MAP6: variants seen among roughly 807,000 people sequenced by gnomAD.
MAP6 encodes microtubule-associated protein 6.
MAP6 carries 26 observed loss-of-function variants against 42.4 expected under a neutral mutation model. That is an observed-to-expected ratio of 0.61 (90% CI 0.45 to 0.85). The LOEUF (loss-of-function observed/expected upper bound fraction) is 0.85, where lower values mean the gene tolerates loss of function less well. Ranked by LOEUF, MAP6 falls within the 40% of genes least tolerant of loss-of-function variation. The probability of loss-of-function intolerance (pLI) is 0.00; values close to 1 mark genes in which losing one functional copy is unlikely to be tolerated. For synonymous variants in MAP6, 418 were observed against 443.8 expected (o/e 0.94, Z 0.73); for missense variants, 966 against 1,099.0 (o/e 0.88, Z 1.71).
intron 1 of MAP6, among the ~76,000 whole-genome samples, chr11:75,666,771 T>A (rs973867406): frequency 1.1e-4 from 16 of 152,180 alleles, no homozygotes; most frequent in Non-Finnish European, 5.9e-5. Flanking sequence ...TCAATAAAAG[T>A]GTGAACAATC....
intron 1 of MAP6, among the ~76,000 whole-genome samples, chr11:75,661,537 A>G (rs1287431311): frequency 6.6e-6 from 1 of 152,010 alleles, no homozygotes; most frequent in Non-Finnish European, 1.5e-5. Context: ...TCAATATGAG[A>G]AAAAAAATCT....
chr11:75,656,282 G>A (rs1943748409), intron 1 of MAP6, among the ~76,000 whole-genome samples: 1 of 152,190 alleles, frequency 6.6e-6, no homozygotes, highest in Non-Finnish European at 1.5e-5. Context: ...GGGTTTTGTG[G>A]CTTGAGGTTT....
At chr11:75,660,620 G>A (rs1943827740) in intron 1 of MAP6, among the ~76,000 whole-genome samples, 1 of 152,154 alleles carries the variant, frequency 6.6e-6, no homozygotes, top group Admixed American at 6.5e-5. Context: ...TTAAGGCTTT[G>A]TCATTTTCTC....
At position 75,587,699 on chromosome 11, in the gene MAP6, G is replaced by A. The variant is rs1942385856; in HGVS notation, c.1802C>T (p.Ala601Val). 5.0e-6 allele frequency: 8 copies of A among 1,612,772 alleles called. No individual in the cohort carries two copies. The highest frequency in any genetic ancestry group is 6.8e-6 in the Non-Finnish European group (8 of 1,179,606). ...SVKDQGPMVS[A>V]PVKDQGPIVP... The stretch of plus-strand genomic sequence containing the variant: ...TATGGGACCTTGATCCTTGACAGGT[G>A]CTGAGACCATGGGACCTTGATCCTT... Residue 601 changes from alanine (A) to valine (V), a missense_variant, in exon 4 of 4, where the codon GCA becomes GTA. By Grantham distance (64) the Ala-to-Val change is moderately conservative. Around this residue, in one of 2 missense-constraint regions of MAP6, gnomAD observed 943 missense variants for 1,049.9 expected, o/e 0.90. Coordinates refer to ENST00000304771, the MANE Select transcript of MAP6 (RefSeq NM_033063.2).
Position 75,588,186 on chromosome 11 carries a change from T to C in MAP6, c.1317-2A>G, listed in dbSNP as rs771484612. On this transcript the variant is annotated splice_acceptor_variant, in intron 3 of 3. Transcript: ENST00000304771. LOFTEE classifies it high-confidence loss of function. ...TCACTGACGGGTTGAGCCAGGCTCC[T>C]GCAAAGGAGAGAGAGGTGATCACTG... 2 of 1,609,528 alleles carry C rather than the reference T, an allele frequency of 1.2e-6. No individual in the cohort carries two copies. The highest frequency in any genetic ancestry group is 1.7e-6 in the Non-Finnish European group (2 of 1,178,612).
In MAP6 at chr11:75,641,588, G is replaced by A. The variant is rs60236589; in HGVS notation, c.905+25877C>T. Among the ~76,000 whole-genome samples the A allele has an allele frequency of 3.2e-3, 481 of 152,282 alleles. 2 individuals carry two copies. Among genetic ancestry groups the A allele is most frequent in the African/African-American group, 0.011 (467 of 41,558 alleles). On this transcript the variant is annotated intron_variant, in intron 1 of 3. Transcript: ENST00000304771. ...AACAACCACTTCGTGTGATTCCAATGTAAGTGGTCTGGACCACCTGAGAGA... is the reference window on the plus strand; with the variant it reads ...AACAACCACTTCGTGTGATTCCAATATAAGTGGTCTGGACCACCTGAGAGA...
At chr11:75,643,611 C>T (rs1943510516) in intron 1 of MAP6, among the ~76,000 whole-genome samples, 1 of 152,222 alleles carries the variant, frequency 6.6e-6, no homozygotes, top group African/African-American at 2.4e-5. Context: ...TCCATCCTGG[C>T]AGTCCCAGAA....
At chr11:75,588,269 C>G in intron 3 of MAP6, 85 bp from the exon 4 acceptor site, 1 of 1,275,936 alleles carries the variant, frequency 7.8e-7, no homozygotes, top group Non-Finnish European at 1.1e-6. Flanking sequence ...TAAGTCTTGG[C>G]CTAGTGGAGC....
At chr11:75,655,133 C>G (rs1204821608) in intron 1 of MAP6, among the ~76,000 whole-genome samples, 1 of 152,152 alleles carries the variant, frequency 6.6e-6, no homozygotes, top group Non-Finnish European at 1.5e-5. Flanking sequence ...ATCTTCATAG[C>G]CTATAGTCCC....
chr11:75,650,078 G>A lies in MAP6; in HGVS notation c.905+17387C>T, dbSNP rs116191261. ...TCAATGTCATCGGATTTTCAGATCC[G>A]TCGTGCTCCTTCCTGTGTTCCCCAC... On this transcript the variant is annotated intron_variant, in intron 1 of 3. Transcript: ENST00000304771. Among the ~76,000 whole-genome samples, 457 of 152,254 alleles carry A rather than the reference G, an allele frequency of 3.0e-3. 1 individual carries two copies. Among genetic ancestry groups the A allele is most frequent in the African/African-American group, 0.01 (428 of 41,528 alleles).
At position 75,608,203 on chromosome 11, in the gene MAP6, C is replaced by T; in HGVS notation, c.1025G>A (p.Gly342Glu). ...AGCTGTTGTTGGCTTGCTGGCCTCTCCTTTGAACTGAGCACTGTAGCTGGT... is the reference window on the plus strand; with the variant it reads ...AGCTGTTGTTGGCTTGCTGGCCTCTTCTTTGAACTGAGCACTGTAGCTGGT... ...HETSYSAQFK[G>E]EASKPTTADN... The change falls in exon 2 of 4, where the codon GGA becomes GAA. Residue 342 changes from glycine (G) to glutamate (E), a missense_variant. Physicochemically the swap from Gly to Glu is moderately conservative, Grantham distance 98. Transcript: ENST00000304771. 2 of 1,614,236 alleles carry T rather than the reference C, an allele frequency of 1.2e-6. No individual in the cohort carries two copies. Among genetic ancestry groups the T allele is most frequent in the Non-Finnish European group, 1.7e-6 (2 of 1,180,040 alleles).
chr11:75,658,935 C>A (rs1943797260), intron 1 of MAP6, among the ~76,000 whole-genome samples: 1 of 152,174 alleles, frequency 6.6e-6, no homozygotes, highest in South Asian at 2.1e-4. Flanking sequence ...CTCCACCATG[C>A]CCTGCACAGA....
intron 1 of MAP6, among the ~76,000 whole-genome samples, chr11:75,639,504 G>A (rs1017511153): frequency 9.8e-5 from 15 of 152,310 alleles, no homozygotes; most frequent in African/African-American, 3.1e-4. Flanking sequence ...AATATCCATT[G>A]TGGGCCAACT....
At chr11:75,606,554 A>G (rs1009503131) in intron 2 of MAP6, among the ~76,000 whole-genome samples, 2 of 152,142 alleles carry the variant, frequency 1.3e-5, no homozygotes, top group Non-Finnish European at 2.9e-5. Context: ...AATGAGAAAT[A>G]AACCTTTGTT....
chr11:75,624,525 C>A (rs1460026580), intron 1 of MAP6, among the ~76,000 whole-genome samples: 1 of 152,180 alleles, frequency 6.6e-6, no homozygotes, highest in Non-Finnish European at 1.5e-5. Context: ...GACTGGAACC[C>A]AGGCCCATCC....
At chr11:75,614,612 T>C (rs1942963730) in intron 1 of MAP6, among the ~76,000 whole-genome samples, 1 of 152,194 alleles carries the variant, frequency 6.6e-6, no homozygotes. Context: ...TGAAAAGGCC[T>C]AGAAGACCCA....
rs896594757 is a variant in MAP6, at chr11:75,668,098, C to T, written c.272G>A (p.Gly91Asp). The change falls in exon 1 of 4, where the codon GGC becomes GAC. Residue 91 changes from glycine to aspartate, a missense_variant. Transcript: ENST00000304771. ...GGGGCCCGCCGCCGGCTCGCGCTCG[C>T]CGGTAGGCCCAGGCGCTGGCCCCGT... The part of the protein sequence containing the change: ...RATGPAPGPT[G>D]EREPAAGPGR... The T allele has an allele frequency of 8.3e-7, 1 of 1,209,902 alleles. No individual in the cohort carries two copies. Among genetic ancestry groups the T allele is most frequent in the Non-Finnish European group, 1.0e-6 (1 of 976,916 alleles). The allele number at this position is 1,209,902 out of a possible 1,614,324, so 74.9% of individuals were successfully genotyped here.
chr11:75,595,177 A>G (rs983077836), intron 3 of MAP6, among the ~76,000 whole-genome samples: 1 of 152,152 alleles, frequency 6.6e-6, no homozygotes, highest in Non-Finnish European at 1.5e-5. Context: ...ATGCCCGGTG[A>G]GGCAGCCTCC....
At position 75,668,585 on chromosome 11, in the gene MAP6, C is replaced by T. The variant is rs145697422; in HGVS notation, c.-216G>A. On this transcript the variant is annotated 5_prime_UTR_variant, in exon 1 of 4. Coordinates refer to ENST00000304771, the MANE Select transcript of MAP6 (RefSeq NM_033063.2). Reference sequence around the variant, plus strand: ...GAGTCCCTCGATTACCGGTCGCAAACGCCTTTGGGAGCGCAGTCTGCTGCG... The same window carrying T: ...GAGTCCCTCGATTACCGGTCGCAAATGCCTTTGGGAGCGCAGTCTGCTGCG... The T allele has an allele frequency of 7.9e-6, 4 of 503,654 alleles. No individual in the cohort carries two copies. Among genetic ancestry groups the T allele is most frequent in the Admixed American group, 4.6e-5 (1 of 21,654 alleles). The allele number at this position is 503,654 out of a possible 1,614,324, so 31.2% of individuals were successfully genotyped here.
Sources: gnomAD v4.1 joint callset for allele counts (sites outside exome capture counted in the v4.1 genomes callset) on GRCh38, gnomAD v4.1.1 for gene constraint, gnomAD v4.1.1 regional missense constraint, MANE v1.5 for transcripts, NCBI Gene and HGNC (gene_info 2026-07-23, HGNC 2026-07-21) for gene names.